DESI2: variants seen among roughly 807,000 people sequenced by gnomAD.
The protein encoded by DESI2 is deubiquitinase DESI2.
Under a neutral mutation model 24.1 loss-of-function variants are expected in DESI2, and 10 were observed. The observed-to-expected ratio is 0.41, with a 90% CI of 0.26 to 0.70. The LOEUF is 0.70. Among genes scored for constraint, DESI2 ranks in the 30% least tolerant of loss-of-function variants. The probability of loss-of-function intolerance (pLI) is 0.29; values close to 1 mark genes in which losing one functional copy is unlikely to be tolerated. For missense variants in DESI2, 122 were observed against 234.9 expected, an observed-to-expected ratio of 0.52 and a Z score of 3.14; for synonymous variants, 71 against 87.7, an observed-to-expected ratio of 0.81 and a Z score of 1.06.
intron 4 of DESI2, among the ~76,000 whole-genome samples, chr1:244,697,385 T>C (rs1677259301): frequency 6.6e-6 from 1 of 150,992 alleles, no homozygotes; most frequent in Non-Finnish European, 1.5e-5. Context: ...GGCACACACC[T>C]GTAATCCCAG....
intron 1 of DESI2, among the ~76,000 whole-genome samples, chr1:244,685,686 G>A (rs964722111): frequency 6.6e-6 from 1 of 152,174 alleles, no homozygotes; most frequent in African/African-American, 2.4e-5. Flanking sequence ...TGGAGCCAAG[G>A]TTAAGACTTG....
intron 1 of DESI2, among the ~76,000 whole-genome samples, chr1:244,667,435 C>T (rs1676085637): frequency 6.6e-6 from 1 of 152,190 alleles, no homozygotes; most frequent in South Asian, 2.1e-4. Flanking sequence ...CCGGGTCTCA[C>T]ATCCAGGTCA....
intron 4 of DESI2, among the ~76,000 whole-genome samples, chr1:244,701,474 G>T (rs1368284871): frequency 6.6e-6 from 1 of 152,152 alleles, no homozygotes; most frequent in African/African-American, 2.4e-5. Context: ...TAAAGAAGAT[G>T]CTTTGACTGT....
At position 244,686,745 on chromosome 1, in the gene DESI2, G is replaced by C. The variant is rs560147893; in HGVS notation, c.115+76G>C. 1.7e-5 allele frequency: 15 copies of C among 904,680 alleles called. No homozygotes were observed. The South Asian group carries it at 2.2e-4, about 13-fold the overall frequency. 56.0% of individuals were successfully genotyped at this position (904,680 alleles called of 1,614,324 possible). A position where few individuals can be genotyped will look rare whatever the true frequency, so the allele number is the denominator to read the frequency against. On this transcript the variant is annotated intron_variant, in intron 2 of 4. Coordinates refer to ENST00000302550, the MANE Select transcript of DESI2 (RefSeq NM_016076.5). ...AAGAGTTGCAAAATCATAACTATAG[G>C]TCTCTCTTTTTTTAACCACTTGCAT...
chr1:244,700,662 A>G (rs894555879), intron 4 of DESI2, among the ~76,000 whole-genome samples: 3 of 152,202 alleles, frequency 2.0e-5, no homozygotes, highest in African/African-American at 7.2e-5. Flanking sequence ...TTACAGGTTC[A>G]TAGTGACGTT....
chr1:244,653,313 G>C lies in DESI2; in HGVS notation c.-1G>C, dbSNP rs1474784957. 3.3e-6 allele frequency: 5 copies of C among 1,506,240 alleles called. No individual in the cohort carries two copies. In the African/African-American group the frequency reaches 4.4e-5, roughly 13 times the overall value. The allele number at this position is 1,506,240 out of a possible 1,614,324, so 93.3% of individuals were successfully genotyped here. On this transcript the variant is annotated 5_prime_UTR_variant, in exon 1 of 5. Coordinates refer to ENST00000302550, the MANE Select transcript of DESI2 (RefSeq NM_016076.5). The stretch of plus-strand genomic sequence containing the variant: ...ACGAGGCGGCGGCCGCGGGGAGGAG[G>C]ATGGGGGCTAACCAGTTAGTGGTGC...
chr1:244,697,377 C>G (rs954392281), intron 4 of DESI2, among the ~76,000 whole-genome samples: 1 of 151,040 alleles, frequency 6.6e-6, no homozygotes, highest in Admixed American at 6.6e-5. Flanking sequence ...TGGTGTGTGG[C>G]ACACACCTGT....
chr1:244,662,382 C>G (rs533843275), intron 1 of DESI2, among the ~76,000 whole-genome samples: 13 of 152,206 alleles, frequency 8.5e-5, no homozygotes, highest in Admixed American at 3.3e-4. Flanking sequence ...TCAAGTCCTG[C>G]TTTCGATTTT....
intron 1 of DESI2, among the ~76,000 whole-genome samples, chr1:244,672,947 A>G (rs894240794): frequency 1.3e-5 from 2 of 152,152 alleles, no homozygotes; most frequent in Non-Finnish European, 2.9e-5. Context: ...TCATTATTGT[A>G]GGGGAGTAGG....
chr1:244,653,678 C>T (rs935932978), intron 1 of DESI2: 4 of 449,644 alleles, frequency 8.9e-6, no homozygotes, highest in African/African-American at 4.1e-5. Flanking sequence ...GCAAAGCTTC[C>T]GTTGCGTTTC....
chr1:244,674,058 G>T (rs746123167), intron 1 of DESI2, among the ~76,000 whole-genome samples: 1 of 135,926 alleles, frequency 7.4e-6, no homozygotes, highest in Non-Finnish European at 1.5e-5. Flanking sequence ...ACAGTGGTGC[G>T]ATCTCGGCTC....
intron 4 of DESI2, chr1:244,694,432 A>C: frequency 1.3e-6 from 1 of 752,178 alleles, no homozygotes; most frequent in Non-Finnish European, 2.4e-6. Flanking sequence ...TGAAATTCTT[A>C]AGATGAACTG....
At chr1:244,658,692 G>A (rs1558648622) in intron 1 of DESI2, among the ~76,000 whole-genome samples, 1 of 152,148 alleles carries the variant, frequency 6.6e-6, no homozygotes, top group Non-Finnish European at 1.5e-5. Context: ...AAAAGATCAT[G>A]TGATCTTCCT....
In DESI2 at chr1:244,700,061, C is replaced by T. The variant is rs187140643; in HGVS notation, c.352-5495C>T. Among the ~76,000 whole-genome samples, 17 of 152,290 alleles carry T rather than the reference C, an allele frequency of 1.1e-4. No individual in the cohort carries two copies. In the East Asian group the frequency reaches 3.3e-3, roughly 29 times the overall value. ...AGTCCCTCTGAAACAAAAACTCAAA[C>T]TAAGTTTTCAGGCTGGAGTGGAAAC... On this transcript the variant is annotated intron_variant, in intron 4 of 4. Coordinates refer to ENST00000302550, the MANE Select transcript of DESI2 (RefSeq NM_016076.5).
intron 4 of DESI2, among the ~76,000 whole-genome samples, chr1:244,696,276 A>G (rs767883101): frequency 1.4e-4 from 22 of 152,208 alleles, no homozygotes; most frequent in Non-Finnish European, 3.1e-4. Flanking sequence ...TTTGAATCCA[A>G]ATCTAAACAA....
chr1:244,699,365 C>T (rs926997945), intron 4 of DESI2, among the ~76,000 whole-genome samples: 22 of 151,882 alleles, frequency 1.4e-4, no homozygotes, highest in African/African-American at 3.4e-4. Flanking sequence ...AGGCAGATCA[C>T]GAGGTCAAGA....
chr1:244,677,920 T>TA (rs1299737629), intron 1 of DESI2, among the ~76,000 whole-genome samples: 1 of 151,942 alleles, frequency 6.6e-6, no homozygotes, highest in East Asian at 1.9e-4. Context: ...ACCCTGTCTC[T>TA]AAAAAAATAA....
At chr1:244,674,272 C>T (rs1326222855) in intron 1 of DESI2, among the ~76,000 whole-genome samples, 1 of 151,686 alleles carries the variant, frequency 6.6e-6, no homozygotes, top group Non-Finnish European at 1.5e-5. Context: ...TGGCTACAGG[C>T]GTGAGCTACT....
chr1:244,660,884 C>T (rs1227406313), intron 1 of DESI2, among the ~76,000 whole-genome samples: 1 of 152,054 alleles, frequency 6.6e-6, no homozygotes, highest in Non-Finnish European at 1.5e-5. Flanking sequence ...AATTATTATA[C>T]TTTCACGTTA....
Sources: gnomAD v4.1 joint callset for allele counts (sites outside exome capture counted in the v4.1 genomes callset) on GRCh38, gnomAD v4.1.1 for gene constraint, MANE v1.5 for transcripts, NCBI Gene and HGNC (gene_info 2026-07-23, HGNC 2026-07-21) for gene names.